The following NLRP1 variants were observed in gnomAD, a reference collection of about 807,000 sequenced individuals.
NLRP1 encodes NLR family pyrin domain containing 1.
In NLRP1, 94 loss-of-function variants were observed where a neutral mutation model predicts 136.7. The observed-to-expected ratio is 0.69, with a 90% confidence interval of 0.58 to 0.82. The LOEUF is 0.82. Among genes scored for constraint, NLRP1 ranks in the 40% least tolerant of loss-of-function variants. The pLI is 0.00. For missense variants in NLRP1, 1,575 were observed against 1,802.7 expected (o/e 0.87, Z 2.29); for synonymous variants, 690 against 725.1 (o/e 0.95, Z 0.78).
chr17:5,526,038 G>C (rs1043266394), intron 12 of NLRP1, among the ~76,000 whole-genome samples: 10 of 150,966 alleles, frequency 6.6e-5, no homozygotes, highest in African/African-American at 2.4e-4. Flanking sequence ...TGCAGTGCAC[G>C]ATCATGACTC....
At chr17:5,538,877 T>A (rs1486127557) in intron 7 of NLRP1, among the ~76,000 whole-genome samples, 6 of 152,042 alleles carry the variant, frequency 3.9e-5, no homozygotes, top group Non-Finnish European at 8.8e-5. Flanking sequence ...ATTTTATTTG[T>A]TTAATTAATT....
In NLRP1 at chr17:5,559,198, C is replaced by T. The variant is rs1914450793; in HGVS notation, c.1498G>A (p.Ala500Thr). The T allele has an allele frequency of 6.2e-7, 1 of 1,614,090 alleles. No individual in the cohort carries two copies. The change falls in exon 4 of 17, where the codon GCA becomes ACA. Residue 500 changes from alanine (A) to threonine (T), a missense_variant. Ala to Thr is a moderately conservative substitution (Grantham distance 58). Coordinates refer to ENST00000572272, the MANE Select transcript of NLRP1 (RefSeq NM_033004.4). ...TTGACCAACCTAAAGGCTCTAATTG[C>T]TTGCCTTTCATCTGTGAAATATCTG... ...FYRYFTDERQ[A>T]IRAFRLVKSN...
Position 5,531,144 on chromosome 17 carries a change from G to GTCTATCTA in NLRP1, c.3297-448_3297-441dup, listed in dbSNP as rs59760618. 2.9e-5 allele frequency among the ~76,000 whole-genome samples: 4 copies of GTCTATCTA among 136,298 alleles called. No individual in the cohort carries two copies. In the South Asian group the frequency reaches 1.1e-3, roughly 37 times the overall value. The allele number at this position is 136,298 out of a possible 152,430, so 89.4% of individuals were successfully genotyped here. ...TAAGATTATCTGTCTTGTCTTGTCT[G>GTCTATCTA]TCTATCTATCTATCTATCTAATCTA... On this transcript the variant is annotated intron_variant, in intron 11 of 16. Coordinates refer to ENST00000572272, the MANE Select transcript of NLRP1 (RefSeq NM_033004.4).
chr17:5,572,744 C>T (rs1176454319), intron 3 of NLRP1, among the ~76,000 whole-genome samples: 1 of 150,472 alleles, frequency 6.6e-6, no homozygotes, highest in African/African-American at 2.4e-5. Context: ...ACAAAGGACA[C>T]CAATAGACTC....
At chr17:5,535,168 C>T (rs981245148) in intron 8 of NLRP1, among the ~76,000 whole-genome samples, 2 of 151,844 alleles carry the variant, frequency 1.3e-5, no homozygotes, top group East Asian at 1.9e-4. Context: ...TACAGTGAGC[C>T]GAGATCATGC....
chr17:5,546,441 C>T (rs563735121), intron 5 of NLRP1, among the ~76,000 whole-genome samples: 1 of 152,264 alleles, frequency 6.6e-6, no homozygotes, highest in South Asian at 2.1e-4. Flanking sequence ...CATGTGTCTT[C>T]GATTCCACAC....
At chr17:5,511,665 G>A (rs1200297531), downstream of NLRP1, among the ~76,000 whole-genome samples, 2 of 152,150 alleles carry the variant, frequency 1.3e-5, no homozygotes, top group Non-Finnish European at 2.9e-5. Context: ...AGAAGGAGGC[G>A]GGGCATGCGG....
At chr17:5,512,123 T>C (rs1429166706), downstream of NLRP1, 4 of 817,530 alleles carry the variant, frequency 4.9e-6, no homozygotes, top group Non-Finnish European at 8.8e-6. Context: ...TCTGCACTTA[T>C]TCCCTTTGCC....
exon 16 of NLRP1, chr17:5,501,730 GACCCACCTGC>G (rs1555540007): frequency 4.5e-5 from 49 of 1,098,636 alleles, no homozygotes; most frequent in Non-Finnish European, 3.2e-5. Context: ...CCATTTCTCA[GACCCACCTGC>G]GGTCTACTCA....
In NLRP1 at chr17:5,541,606, CT is replaced by C. The variant is rs1163663582; in HGVS notation, c.2699+250del. Among the ~76,000 whole-genome samples the C allele has an allele frequency of 6.6e-6, 1 of 152,044 alleles. No homozygotes were observed. Among genetic ancestry groups the C allele is most frequent in the African/African-American group, 2.4e-5 (1 of 41,314 alleles). On this transcript the variant is annotated intron_variant, in intron 6 of 16. Transcript: ENST00000572272. This position sits in a 1 kb window ranked among gnomAD's most constrained non-coding sequence, Gnocchi z 4.2. ...TGAAAATGGCCACAAATTCTGCCCC[CT>C]GTCCCCACCTTGCATTCACGTCCCT...
chr17:5,507,294 C>G (rs1335020832), intron 15 of NLRP1, among the ~76,000 whole-genome samples: 4 of 151,970 alleles, frequency 2.6e-5, no homozygotes, highest in African/African-American at 9.7e-5. Context: ...TTTGTTCTCC[C>G]TCAAACTGTC....
chr17:5,580,198 G>A (rs183408216), intron 3 of NLRP1, among the ~76,000 whole-genome samples: 20 of 152,174 alleles, frequency 1.3e-4, no homozygotes, highest in African/African-American at 4.8e-4. Context: ...TCACGCCACT[G>A]CACTCCAGCC....
In NLRP1 at chr17:5,553,382, T is replaced by C; in HGVS notation, c.2528+4A>G. Reference sequence around the variant, plus strand: ...CTTCAGAACAGAACCCAGGCCAGACTCACCGCAGGGTCTCCAGGAGGCAGC... The same window carrying C: ...CTTCAGAACAGAACCCAGGCCAGACCCACCGCAGGGTCTCCAGGAGGCAGC... On this transcript the variant is annotated splice_donor_region_variant and intron_variant, in intron 5 of 16. Transcript: ENST00000572272. 6.2e-7 allele frequency: 1 copy of C among 1,609,588 alleles called. No homozygotes were observed. The highest frequency in any genetic ancestry group is 1.7e-5 in the Admixed American group (1 of 59,850).
intron 5 of NLRP1, among the ~76,000 whole-genome samples, chr17:5,547,909 T>C (rs566351703): frequency 2.0e-5 from 3 of 152,330 alleles, no homozygotes; most frequent in Non-Finnish European, 4.4e-5. Context: ...TCTTATCACT[T>C]TCTTTTCTTC....
rs199948263 is a variant in NLRP1 at position 5,521,588 on chromosome 17, C to T, written c.3719G>A (p.Arg1240His). Reference sequence around the variant, plus strand: ...GAAGGTGACTTCCTCAGGATGGACGCGGTGGTAAAGCAACACCACAGAGGT... The same window carrying T: ...GAAGGTGACTTCCTCAGGATGGACGTGGTGGTAAAGCAACACCACAGAGGT... ...PVTSVVLLYH[R>H]VHPEEVTFHL... is the part of the protein sequence containing the mutation. Residue 1240 changes from arginine to histidine, a missense_variant, in exon 13 of 17, where the codon CGC becomes CAC. Physicochemically the swap from Arg to His is conservative, Grantham distance 29 (BLOSUM62 0). Coordinates refer to ENST00000572272, the MANE Select transcript of NLRP1 (RefSeq NM_033004.4). The T allele has an allele frequency of 3.2e-5, 52 of 1,613,956 alleles. No individual in the cohort carries two copies. Among genetic ancestry groups the T allele is most frequent in the Middle Eastern group, 1.7e-4 (1 of 6,052 alleles).
intron 15 of NLRP1, among the ~76,000 whole-genome samples, chr17:5,507,007 T>C (rs1371046232): frequency 6.6e-6 from 1 of 152,078 alleles, no homozygotes; most frequent in African/African-American, 2.4e-5. Context: ...GGACAATGAT[T>C]GTATGATTCC....
intron 4 of NLRP1, among the ~76,000 whole-genome samples, chr17:5,554,989 T>C (rs1354391905): frequency 1.3e-5 from 2 of 149,642 alleles, no homozygotes; most frequent in Non-Finnish European, 2.9e-5. Context: ...GCCACTGCAC[T>C]ATTCCTGGGA....
Position 5,539,083 on chromosome 17 carries a change from C to G in NLRP1, c.2870+332G>C, listed in dbSNP as rs547703829. Among the ~76,000 whole-genome samples the G allele has an allele frequency of 3.9e-5, 6 of 152,296 alleles. No individual in the cohort carries two copies. The South Asian group carries it at 1.2e-3, about 32-fold the overall frequency. On this transcript the variant is annotated intron_variant, in intron 7 of 16. Coordinates refer to ENST00000572272, the MANE Select transcript of NLRP1 (RefSeq NM_033004.4). ...ATGGGGTTTCAGCATGTTGGCCAGGCTGGTCTCTAACTCCTGACCTCAAGT... is the reference window on the plus strand; with the variant it reads ...ATGGGGTTTCAGCATGTTGGCCAGGGTGGTCTCTAACTCCTGACCTCAAGT...
chr17:5,576,389 A>G (rs554206025), intron 3 of NLRP1, among the ~76,000 whole-genome samples: 1 of 152,328 alleles, frequency 6.6e-6, no homozygotes, highest in African/African-American at 2.4e-5. Context: ...CAAGACGAAT[A>G]AAGAAGAAAA....
Sources: allele counts gnomAD v4.1 joint callset (sites outside exome capture counted in the v4.1 genomes callset), GRCh38; gene constraint gnomAD v4.1.1; non-coding constraint Gnocchi (gnomAD v3.1); transcripts MANE v1.5; gene names NCBI Gene and HGNC (gene_info 2026-07-23, HGNC 2026-07-21).